The following PAPSS2 variants were observed in gnomAD, a reference collection of about 807,000 sequenced individuals.
The protein encoded by PAPSS2 is 3'-phosphoadenosine 5'-phosphosulfate synthase 2, also known as bifunctional 3'-phosphoadenosine 5'-phosphosulfate synthase 2.
In PAPSS2, 61 loss-of-function variants were observed where a neutral mutation model predicts 66.5. The observed-to-expected ratio is 0.92, with a 90% CI of 0.75 to 1.14. The LOEUF is 1.14. Among genes scored for constraint, PAPSS2 ranks in the 50% most tolerant of loss-of-function variants. PAPSS2 has a pLI of 0.00. For missense variants in PAPSS2, 708 were observed against 789.6 expected, an observed-to-expected ratio of 0.90 and a Z score of 1.24; for synonymous variants, 289 against 287.5, an observed-to-expected ratio of 1.01 and a Z score of -0.05.
At chr10:87,700,871 T>C (rs1853295386) in intron 1 of PAPSS2, among the ~76,000 whole-genome samples, 2 of 151,742 alleles carry the variant, frequency 1.3e-5, no homozygotes, top group Admixed American at 1.3e-4. Flanking sequence ...CTGGATGTAA[T>C]GATGGAAAAG....
At chr10:87,724,090 G>T (rs1853628664) in intron 8 of PAPSS2, among the ~76,000 whole-genome samples, 1 of 152,012 alleles carries the variant, frequency 6.6e-6, no homozygotes, top group Non-Finnish European at 1.5e-5. Context: ...TAGCCTATTT[G>T]TGAGGGCATC....
chr10:87,703,119 A>G (rs967855500), intron 1 of PAPSS2, among the ~76,000 whole-genome samples: 2 of 152,216 alleles, frequency 1.3e-5, no homozygotes, highest in Non-Finnish European at 2.9e-5. Flanking sequence ...GGCAAAGGCC[A>G]TCCTCCATCT....
chr10:87,740,667 T>C (rs1853857342), intron 9 of PAPSS2, among the ~76,000 whole-genome samples: 2 of 152,198 alleles, frequency 1.3e-5, no homozygotes, highest in Admixed American at 6.5e-5. Flanking sequence ...ATATCCATAA[T>C]TGTGCAAAAA....
At chr10:87,734,562 T>C (rs900604319) in intron 9 of PAPSS2, among the ~76,000 whole-genome samples, 3 of 151,074 alleles carry the variant, frequency 2.0e-5, no homozygotes, top group African/African-American at 7.3e-5. Context: ...TAAAACTGCC[T>C]TCTCTTCTGA....
intron 4 of PAPSS2, 75 bp downstream of exon 4, chr10:87,714,257 T>C: frequency 1.3e-6 from 2 of 1,538,308 alleles, no homozygotes; most frequent in Non-Finnish European, 1.8e-6. Context: ...TCCTCAGAAA[T>C]CTTCCTTGAG....
chr10:87,668,237 G>T (rs911564634), intron 1 of PAPSS2, among the ~76,000 whole-genome samples: 1 of 152,036 alleles, frequency 6.6e-6, no homozygotes, highest in Non-Finnish European at 1.5e-5. Flanking sequence ...CTCTGCTGGG[G>T]GTCCCATGTG....
chr10:87,743,923 G>A (rs1188842102), intron 11 of PAPSS2, among the ~76,000 whole-genome samples: 1 of 152,130 alleles, frequency 6.6e-6, no homozygotes, highest in African/African-American at 2.4e-5. Flanking sequence ...CCAACATGAT[G>A]AAACCCTGTC....
chr10:87,721,429 G>A (rs1853598275), intron 7 of PAPSS2, among the ~76,000 whole-genome samples: 1 of 151,990 alleles, frequency 6.6e-6, no homozygotes, highest in South Asian at 2.1e-4. Flanking sequence ...AAGCTGGAGG[G>A]GACATTAACA....
At position 87,682,633 on chromosome 10, in the gene PAPSS2, A is replaced by G. The variant is rs139675399; in HGVS notation, c.27+22625A>G. On this transcript the variant is annotated intron_variant, in intron 1 of 12. Coordinates refer to ENST00000456849, the MANE Select transcript of PAPSS2 (RefSeq NM_001015880.2). ...AAAATTCACTAAAAACAATCATGAA[A>G]TGGTAAAGAAAATTCCCATCCTCAA... Among the ~76,000 whole-genome samples, 1,416 of 152,328 alleles carry G rather than the reference A, an allele frequency of 9.3e-3. 8 individuals carry two copies. The highest frequency in any genetic ancestry group is 0.014 in the Non-Finnish European group (983 of 68,014).
Position 87,715,208 on chromosome 10 carries a change from C to T in PAPSS2, c.753+110C>T, listed in dbSNP as rs926864096. The T allele has an allele frequency of 5.6e-5, 40 of 718,648 alleles. 1 individual carries two copies. The highest frequency in any genetic ancestry group is 1.1e-4 in the Admixed American group (5 of 47,158). The allele number at this position is 718,648 out of a possible 1,614,324, so 44.5% of individuals were successfully genotyped here. A position where few individuals can be genotyped will look rare whatever the true frequency, so the allele number is the denominator to read the frequency against. The stretch of plus-strand genomic sequence containing the variant: ...GTATAAATAAGGTGCACATAATGTC[C>T]ATAAATAAAACACTCCTTTTTTTCC... On this transcript the variant is annotated intron_variant, in intron 6 of 12. Transcript: ENST00000456849.
At chr10:87,738,246 G>C (rs182377343) in intron 9 of PAPSS2, among the ~76,000 whole-genome samples, 82 of 152,302 alleles carry the variant, frequency 5.4e-4, no homozygotes, top group African/African-American at 1.7e-3. Context: ...AAGTAGGATT[G>C]CTGGATCATA....
chr10:87,700,564 G>C (rs1853290065), intron 1 of PAPSS2, among the ~76,000 whole-genome samples: 1 of 151,862 alleles, frequency 6.6e-6, no homozygotes, highest in Non-Finnish European at 1.5e-5. Flanking sequence ...AGGCTGTGAT[G>C]GGAGGATCGC....
At chr10:87,681,593 T>C (rs111877994) in intron 1 of PAPSS2, among the ~76,000 whole-genome samples, 2 of 152,196 alleles carry the variant, frequency 1.3e-5, no homozygotes, top group African/African-American at 2.4e-5. Context: ...AACTGTACAG[T>C]TTAAAGATTC....
Position 87,713,312 on chromosome 10 carries a change from T to TAAGAAA in PAPSS2, c.381+4_381+5insGAAAAA. ...AGCTTTATTTCTCCATTCGCAAAGG[T>TAAGAAA]AAAAAAAAAAAAAAAAAAAAAAGGC... On this transcript the variant is annotated splice_region_variant and intron_variant, in intron 3 of 12. Coordinates refer to ENST00000456849, the MANE Select transcript of PAPSS2 (RefSeq NM_001015880.2). 2 of 573,438 alleles carry TAAGAAA rather than the reference T, an allele frequency of 3.5e-6. No homozygotes were observed. Among genetic ancestry groups the TAAGAAA allele is most frequent in the South Asian group, 2.2e-5 (1 of 46,078 alleles). 35.5% of individuals were successfully genotyped at this position (573,438 alleles called of 1,614,324 possible).
intron 1 of PAPSS2, among the ~76,000 whole-genome samples, chr10:87,674,588 C>T (rs1158309694): frequency 2.0e-5 from 3 of 152,052 alleles, no homozygotes; most frequent in Non-Finnish European, 4.4e-5. Context: ...ACCACAGATA[C>T]TTTAATATCA....
rs1464419818 is a variant in PAPSS2, at chr10:87,668,510, A to G, written c.27+8502A>G. Among the ~76,000 whole-genome samples the G allele has an allele frequency of 2.6e-5, 4 of 152,264 alleles. No homozygotes were observed. In the East Asian group the frequency reaches 7.7e-4, roughly 29 times the overall value. On this transcript the variant is annotated intron_variant, in intron 1 of 12. Coordinates refer to ENST00000456849, the MANE Select transcript of PAPSS2 (RefSeq NM_001015880.2). ...TGAAGCACTCCACCCGCACCTTTATATTATCAACGTTCTGCCCAGTAAGTC... is the reference window on the plus strand; with the variant it reads ...TGAAGCACTCCACCCGCACCTTTATGTTATCAACGTTCTGCCCAGTAAGTC...
intron 9 of PAPSS2, among the ~76,000 whole-genome samples, chr10:87,732,258 C>T (rs757382540): frequency 1.1e-4 from 16 of 152,244 alleles, no homozygotes; most frequent in East Asian, 5.8e-4. Flanking sequence ...ATAGGCTGGG[C>T]GCGGTGGCTC....
At chr10:87,677,900 C>A (rs1389511404) in intron 1 of PAPSS2, among the ~76,000 whole-genome samples, 3 of 151,970 alleles carry the variant, frequency 2.0e-5, no homozygotes, top group Non-Finnish European at 4.4e-5. Flanking sequence ...AGAATATAAT[C>A]TTTTTAAAAA....
At chr10:87,709,787 TA>T (rs1853442606) in intron 2 of PAPSS2, among the ~76,000 whole-genome samples, 1 of 152,232 alleles carries the variant, frequency 6.6e-6, no homozygotes, top group Non-Finnish European at 1.5e-5. Context: ...ACTTACTATA[TA>T]AACAACAAAC....
Sources: gnomAD v4.1 joint callset for allele counts (sites outside exome capture counted in the v4.1 genomes callset) on GRCh38, gnomAD v4.1.1 for gene constraint, MANE v1.5 for transcripts, NCBI Gene and HGNC (gene_info 2026-07-23, HGNC 2026-07-21) for gene names.